Variants in PLPP3 observed in about 807,000 individuals in gnomAD.
PLPP3 encodes PAP2 beta.
Under a neutral mutation model 29.6 loss-of-function variants are expected in PLPP3, and 6 were observed. The ratio of observed to expected loss-of-function variants is 0.20; its 90% CI spans 0.11 to 0.40. The LOEUF (loss-of-function observed/expected upper bound fraction) is 0.40, where lower values mean the gene tolerates loss of function less well. Among genes scored for constraint, PLPP3 ranks in the 10% least tolerant of loss-of-function variants. The pLI, the probability that PLPP3 is intolerant of heterozygous loss-of-function variation, is 1.00. For synonymous variants in PLPP3, 152 were observed against 159.7 expected (o/e 0.95, Z 0.36); for missense variants, 308 against 407.7 (o/e 0.76, Z 2.11).
intron 4 of PLPP3, among the ~76,000 whole-genome samples, chr1:56,517,710 T>G (rs185937787): frequency 4.6e-5 from 7 of 152,348 alleles, no homozygotes; most frequent in African/African-American, 7.2e-5. Flanking sequence ...AGTCTTAGTC[T>G]TTTTATACTG....
rs557054488 is a variant in PLPP3 at position 56,536,854 on chromosome 1, C to T, written c.297+101G>A. 1.4e-4 allele frequency: 204 copies of T among 1,466,202 alleles called. 1 individual carries two copies. In the African/African-American group the frequency reaches 2.6e-3, roughly 19 times the overall value. 90.8% of individuals were successfully genotyped at this position (1,466,202 alleles called of 1,614,324 possible). A position where few individuals can be genotyped will look rare whatever the true frequency, so the allele number is the denominator to read the frequency against. ...CTAAATATAGGCCAGAGAAAGTTGG[C>T]TTCTACTTGGTATAAGTCTCTGTTG... On this transcript the variant is annotated intron_variant, in intron 2 of 5. Transcript: ENST00000371250.
chr1:56,533,053 C>CTTT (rs869154825), intron 2 of PLPP3, among the ~76,000 whole-genome samples: 1 of 145,708 alleles, frequency 6.9e-6, no homozygotes. Flanking sequence ...TATTATGTAG[C>CTTT]TTTTTTTTTT....
chr1:56,508,663 T>C (rs1645720140), intron 5 of PLPP3, among the ~76,000 whole-genome samples: 1 of 152,190 alleles, frequency 6.6e-6, no homozygotes, highest in Non-Finnish European at 1.5e-5. Flanking sequence ...AGTTCTGTCA[T>C]GTGGCACAAG....
chr1:56,511,823 TCCTAAGG>T (rs1270128975), intron 5 of PLPP3, among the ~76,000 whole-genome samples, 146 bp downstream of exon 5: 2 of 151,250 alleles, frequency 1.3e-5, no homozygotes, highest in African/African-American at 4.9e-5. Context: ...ACTGAAGGAG[TCCTAAGG>T]CCTAAGGCCT....
At chr1:56,503,214 G>A (rs1389722175) in intron 5 of PLPP3, among the ~76,000 whole-genome samples, 2 of 152,128 alleles carry the variant, frequency 1.3e-5, no homozygotes, top group Non-Finnish European at 2.9e-5. Context: ...GTATAACTGA[G>A]AGGGAAAATG....
chr1:56,544,997 T>C (rs1308164703), intron 1 of PLPP3, among the ~76,000 whole-genome samples: 1 of 152,238 alleles, frequency 6.6e-6, no homozygotes, highest in Non-Finnish European at 1.5e-5. Flanking sequence ...ACATTTGATC[T>C]TCCTAACAAC....
At chr1:56,529,472 A>T (rs974037714) in intron 2 of PLPP3, among the ~76,000 whole-genome samples, 1 of 152,192 alleles carries the variant, frequency 6.6e-6, no homozygotes, top group Admixed American at 6.5e-5. Context: ...ACATGAATTG[A>T]TGAACTTCTT....
chr1:56,532,053 C>T (rs953263288), intron 2 of PLPP3, among the ~76,000 whole-genome samples: 1 of 152,130 alleles, frequency 6.6e-6, no homozygotes, highest in African/African-American at 2.4e-5. Context: ...AAGAGCTGTA[C>T]CTAACTAAGG....
chr1:56,565,807 A>G (rs1646157620), intron 1 of PLPP3, among the ~76,000 whole-genome samples: 1 of 152,170 alleles, frequency 6.6e-6, no homozygotes. Context: ...CTGATGGTCC[A>G]TTCTAGGGTG....
chr1:56,508,216 G>A (rs1193335548), intron 5 of PLPP3, among the ~76,000 whole-genome samples: 1 of 152,192 alleles, frequency 6.6e-6, no homozygotes, highest in African/African-American at 2.4e-5. Context: ...AGAAACTCAG[G>A]TGTTGGAAAA....
At chr1:56,567,953 T>G (rs1646172525) in intron 1 of PLPP3, among the ~76,000 whole-genome samples, 1 of 152,158 alleles carries the variant, frequency 6.6e-6, no homozygotes, top group African/African-American at 2.4e-5. Context: ...TGGAATATTA[T>G]TTGACAATAA....
chr1:56,507,859 T>A (rs916344356), intron 5 of PLPP3, among the ~76,000 whole-genome samples: 3 of 152,042 alleles, frequency 2.0e-5, no homozygotes, highest in Non-Finnish European at 4.4e-5. Context: ...TATGTGTGTG[T>A]GAGAGAGAGA....
chr1:56,555,433 T>TAAAAAAA (rs66593221), intron 1 of PLPP3, among the ~76,000 whole-genome samples: 102 of 33,162 alleles, frequency 3.1e-3, no homozygotes, highest in Middle Eastern at 0.031. Flanking sequence ...GGCCAAACAC[T>TAAAAAAA]AAAAAAAAAA....
intron 1 of PLPP3, among the ~76,000 whole-genome samples, chr1:56,576,561 T>G (rs764856956): frequency 6.6e-6 from 1 of 152,204 alleles, no homozygotes; most frequent in Non-Finnish European, 1.5e-5. Context: ...GGGGAAACAT[T>G]GATCAATAAG....
chr1:56,557,026 A>AGAGAGAGAG (rs1646085318), intron 1 of PLPP3, among the ~76,000 whole-genome samples: 1 of 9,524 alleles, frequency 1.0e-4, no homozygotes, highest in Non-Finnish European at 2.8e-4. Flanking sequence ...GAGAGAGAGA[A>AGAGAGAGAG]AGAGAGAGAG....
chr1:56,501,804 A>G (rs993819138), intron 5 of PLPP3, among the ~76,000 whole-genome samples: 15 of 152,360 alleles, frequency 9.8e-5, no homozygotes, highest in African/African-American at 3.4e-4. Flanking sequence ...GGGGGAAAAA[A>G]GAGTGGTTGA....
At chr1:56,537,221 T>C in intron 1 of PLPP3, 109 bp from the exon 2 acceptor site, 1 of 1,210,210 alleles carries the variant, frequency 8.3e-7, no homozygotes. Context: ...CAAATATCAC[T>C]GAGAGTGATA....
At chr1:56,558,731 G>A (rs1646100437) in intron 1 of PLPP3, among the ~76,000 whole-genome samples, 1 of 152,170 alleles carries the variant, frequency 6.6e-6, no homozygotes, top group Non-Finnish European at 1.5e-5. Context: ...CAAGTGATGG[G>A]GCCAGGATCG....
chr1:56,522,374 C>T (rs1411532726), intron 4 of PLPP3, among the ~76,000 whole-genome samples: 2 of 152,154 alleles, frequency 1.3e-5, no homozygotes, highest in Non-Finnish European at 1.5e-5. Context: ...AAAAAATGAA[C>T]ACATACCCAG....
Sources: gnomAD v4.1 joint callset for allele counts (sites outside exome capture counted in the v4.1 genomes callset) on GRCh38, gnomAD v4.1.1 for gene constraint, MANE v1.5 for transcripts, NCBI Gene and HGNC (gene_info 2026-07-23, HGNC 2026-07-21) for gene names.